The following FAM117B variants were observed in gnomAD, a reference collection of about 807,000 sequenced individuals.
FAM117B encodes protein FAM117B.
FAM117B carries 22 observed loss-of-function variants against 52.8 expected under a neutral mutation model. The ratio of observed to expected loss-of-function variants is 0.42; its 90% CI spans 0.30 to 0.59. The LOEUF (loss-of-function observed/expected upper bound fraction) is 0.59, where lower values mean the gene tolerates loss of function less well. FAM117B is among the 20% of genes least tolerant of loss of function. FAM117B has a pLI of 0.22. For missense variants in FAM117B, 678 were observed against 802.6 expected, an observed-to-expected ratio of 0.84 and a Z score of 1.88; for synonymous variants, 309 against 324.1, an observed-to-expected ratio of 0.95 and a Z score of 0.50.
At position 202,768,243 on chromosome 2, in the gene FAM117B, G is replaced by T. The variant is rs977626292; in HGVS notation, c.*2479G>T. 6.6e-6 allele frequency: 1 copy of T among 152,080 alleles called. No individual in the cohort carries two copies. The highest frequency in any genetic ancestry group is 2.4e-5 in the African/African-American group (1 of 41,398). 9.4% of individuals were successfully genotyped at this position (152,080 alleles called of 1,614,324 possible). A position where few individuals can be genotyped will look rare whatever the true frequency, so the allele number is the denominator to read the frequency against. On this transcript the variant is annotated 3_prime_UTR_variant, in exon 8 of 8. Coordinates refer to ENST00000392238, the MANE Select transcript of FAM117B (RefSeq NM_173511.4). Reference sequence around the variant, plus strand: ...TAGAGGTTTTCCCTTTTGCTCTGTTGTGCCTATTTGTCTAATTCATATCTT... The same window carrying T: ...TAGAGGTTTTCCCTTTTGCTCTGTTTTGCCTATTTGTCTAATTCATATCTT...
At chr2:202,639,426 C>T (rs865845144) in intron 1 of FAM117B, among the ~76,000 whole-genome samples, 1 of 152,226 alleles carries the variant, frequency 6.6e-6, no homozygotes, top group Non-Finnish European at 1.5e-5. Context: ...ACTGTCATCT[C>T]CATAGCAAAG....
intron 1 of FAM117B, among the ~76,000 whole-genome samples, chr2:202,647,494 C>T (rs1448237011): frequency 1.3e-5 from 2 of 152,172 alleles, no homozygotes; most frequent in Non-Finnish European, 2.9e-5. Context: ...ACCCAGATTT[C>T]ATATTCAACT....
At chr2:202,677,266 CGA>C (rs1559100101) in intron 1 of FAM117B, among the ~76,000 whole-genome samples, 1 of 152,036 alleles carries the variant, frequency 6.6e-6, no homozygotes, top group Admixed American at 6.5e-5. Context: ...TGGAGTTTCA[CGA>C]TGTTGGCCAG....
Position 202,742,850 on chromosome 2 carries a change from A to C in FAM117B, c.961-12688A>C, listed in dbSNP as rs576802601. The stretch of plus-strand genomic sequence containing the variant: ...GCATGCATGCACCCTCCAGTGGCAT[A>C]AGGATGGCCCTTGCCTGCCACCAGC... On this transcript the variant is annotated intron_variant, in intron 4 of 7. Transcript: ENST00000392238. Among the ~76,000 whole-genome samples the C allele has an allele frequency of 1.2e-4, 18 of 152,348 alleles. No homozygotes were observed. In the South Asian group the frequency reaches 3.7e-3, roughly 32 times the overall value.
intron 2 of FAM117B, among the ~76,000 whole-genome samples, chr2:202,717,537 ATGT>A (rs769060877): frequency 2.0e-4 from 30 of 152,144 alleles, no homozygotes; most frequent in Non-Finnish European, 3.4e-4. Flanking sequence ...AAGCTCAGTA[ATGT>A]TGTGATATTC....
chr2:202,722,153 C>T (rs985997078), intron 2 of FAM117B, among the ~76,000 whole-genome samples: 4 of 151,394 alleles, frequency 2.6e-5, no homozygotes, highest in Non-Finnish European at 2.9e-5. Flanking sequence ...TGGGATTACA[C>T]GTGCCTGCCA....
At chr2:202,709,015 C>T (rs904711409) in intron 2 of FAM117B, among the ~76,000 whole-genome samples, 1 of 152,216 alleles carries the variant, frequency 6.6e-6, no homozygotes, top group Non-Finnish European at 1.5e-5. Context: ...TCCTTACCAA[C>T]ACTTGGCTTT....
At chr2:202,698,831 A>T (rs757804835) in intron 2 of FAM117B, among the ~76,000 whole-genome samples, 1 of 152,216 alleles carries the variant, frequency 6.6e-6, no homozygotes, top group Admixed American at 6.5e-5. Context: ...TACGGTGTCC[A>T]CTTGCTTTCT....
chr2:202,667,797 G>T (rs1690228297), intron 1 of FAM117B, among the ~76,000 whole-genome samples: 1 of 152,022 alleles, frequency 6.6e-6, no homozygotes, highest in Admixed American at 6.6e-5. Context: ...AGGCCTTTGG[G>T]ATATTGACAG....
At chr2:202,694,561 T>C (rs1313132270) in intron 1 of FAM117B, among the ~76,000 whole-genome samples, 2 of 152,070 alleles carry the variant, frequency 1.3e-5, no homozygotes, top group Non-Finnish European at 2.9e-5. Context: ...ATAAGTAATA[T>C]GCTTTATTGC....
chr2:202,757,507 C>A, intron 6 of FAM117B, 69 bp downstream of exon 6: 2 of 1,445,522 alleles, frequency 1.4e-6, no homozygotes, highest in South Asian at 2.4e-5. Context: ...TCATTCTATT[C>A]ATTTTCTAGC....
At chr2:202,701,971 G>T (rs1484567716) in intron 2 of FAM117B, among the ~76,000 whole-genome samples, 1 of 152,170 alleles carries the variant, frequency 6.6e-6, no homozygotes, top group Non-Finnish European at 1.5e-5. Context: ...TGAGAGGGTT[G>T]TCACCAATTT....
intron 1 of FAM117B, among the ~76,000 whole-genome samples, chr2:202,645,635 G>C (rs1689850237): frequency 7.3e-6 from 1 of 136,098 alleles, no homozygotes; most frequent in Admixed American, 7.5e-5. Context: ...ACGGAGTCTC[G>C]CTCTGTCGCC....
chr2:202,768,784 T>A lies in FAM117B; in HGVS notation c.*3020T>A, dbSNP rs1055316295. On this transcript the variant is annotated 3_prime_UTR_variant, in exon 8 of 8. Coordinates refer to ENST00000392238, the MANE Select transcript of FAM117B (RefSeq NM_173511.4). Reference sequence around the variant, plus strand: ...AATGGGAATATAATTTAAATTTTTTTAATTTTATAAAAATTTATTTCCATT... The same window carrying A: ...AATGGGAATATAATTTAAATTTTTTAAATTTTATAAAAATTTATTTCCATT... The A allele has an allele frequency of 7.2e-5, 11 of 152,266 alleles. No individual in the cohort carries two copies. Among genetic ancestry groups the A allele is most frequent in the Non-Finnish European group, 1.2e-4 (8 of 68,016 alleles). The allele number at this position is 152,266 out of a possible 1,614,324, so 9.4% of individuals were successfully genotyped here.
intron 1 of FAM117B, among the ~76,000 whole-genome samples, chr2:202,665,881 G>T (rs147163029): frequency 6.6e-6 from 1 of 152,322 alleles, no homozygotes; most frequent in Admixed American, 6.5e-5. Flanking sequence ...GATTACAGGC[G>T]TGAGCCATGG....
intron 3 of FAM117B, 28 bp downstream of exon 3, chr2:202,725,037 G>T (rs1691217172): frequency 6.4e-7 from 1 of 1,550,466 alleles, no homozygotes; most frequent in Admixed American, 1.7e-5. Flanking sequence ...AAGATAGTGG[G>T]TGTGGAAATA....
At chr2:202,725,708 A>G (rs1000301282) in intron 3 of FAM117B, among the ~76,000 whole-genome samples, 6 of 152,102 alleles carry the variant, frequency 3.9e-5, no homozygotes, top group African/African-American at 1.2e-4. Flanking sequence ...TATGATTACC[A>G]TTTTCTGTGC....
chr2:202,723,110 G>A (rs901955976), intron 2 of FAM117B, among the ~76,000 whole-genome samples: 12 of 152,132 alleles, frequency 7.9e-5, no homozygotes, highest in Non-Finnish European at 1.8e-4. Flanking sequence ...GTGGGAAGTT[G>A]ACCAAATTGT....
At chr2:202,677,149 C>A (rs1187663406) in intron 1 of FAM117B, among the ~76,000 whole-genome samples, 2 of 151,752 alleles carry the variant, frequency 1.3e-5, no homozygotes, top group Non-Finnish European at 2.9e-5. Context: ...CTCACTACAA[C>A]CTCCGCCTCC....
Sources: gnomAD v4.1 joint callset for allele counts (sites outside exome capture counted in the v4.1 genomes callset) on GRCh38, gnomAD v4.1.1 for gene constraint, MANE v1.5 for transcripts, NCBI Gene and HGNC (gene_info 2026-07-23, HGNC 2026-07-21) for gene names.